The following IQCE variants were observed in gnomAD, a reference collection of about 807,000 sequenced individuals.
IQCE encodes the protein IQ domain-containing protein E.
IQCE carries 115 observed loss-of-function variants against 96.0 expected under a neutral mutation model. The observed-to-expected ratio is 1.20, with a 90% CI of 1.03 to 1.40. The LOEUF (loss-of-function observed/expected upper bound fraction) is 1.40. Ranked by LOEUF, IQCE falls within the 40% of genes most tolerant of loss-of-function variation. IQCE has a pLI of 0.00. For synonymous variants in IQCE, 412 were observed against 371.2 expected, an observed-to-expected ratio of 1.11 and a Z score of -1.26; for missense variants, 1,041 against 909.1, an observed-to-expected ratio of 1.15 and a Z score of -1.87.
intron 19 of IQCE, 149 bp from the exon 20 acceptor site, chr7:2,605,727 G>A (rs544581183): frequency 2.3e-5 from 15 of 664,552 alleles, no homozygotes; most frequent in African/African-American, 1.7e-4. Context: ...GCTGTTCACT[G>A]ACCAGCAATT....
In IQCE at chr7:2,567,158, G is replaced by A; in HGVS notation, c.79G>A (p.Glu27Lys). The change falls in exon 2 of 22, where the codon GAG (glutamate) becomes AAG (lysine). Residue 27 changes from glutamate to lysine, a missense_variant. By Grantham distance (56) the Glu-to-Lys change is moderately conservative. Transcript: ENST00000402050. ...LSAVTFDSDVETKAKRKAFHK... is the reference protein window; with the variant it reads ...LSAVTFDSDVKTKAKRKAFHK... Reference sequence around the variant, plus strand: ...TGCAGTCACCTTTGACTCTGATGTGGAGACGGTGAGTGCCGCTGGGTGTCA... The same window carrying A: ...TGCAGTCACCTTTGACTCTGATGTGAAGACGGTGAGTGCCGCTGGGTGTCA... 6.2e-7 allele frequency: 1 copy of A among 1,613,612 alleles called. No homozygotes were observed. Among genetic ancestry groups the A allele is most frequent in the Non-Finnish European group, 8.5e-7 (1 of 1,179,760 alleles).
In IQCE at chr7:2,594,986, C is replaced by T. The variant is rs537042239; in HGVS notation, c.1440+10C>T. The T allele has an allele frequency of 1.1e-4, 168 of 1,583,968 alleles. No homozygotes were observed. In the South Asian group the frequency reaches 1.4e-3, roughly 13 times the overall value. ...GGAAGTTCCTCATAAGGTACAGTGA[C>T]CATTCAGTTGAGTCTCCCGTCAGGT... is the stretch of plus-strand genomic sequence containing the variant. On this transcript the variant is annotated intron_variant, in intron 16 of 21. Transcript: ENST00000402050.
At chr7:2,597,101 CA>C (rs1471186143) in intron 16 of IQCE, 9 of 470,702 alleles carry the variant, frequency 1.9e-5, no homozygotes, top group African/African-American at 4.0e-5. Flanking sequence ...AGACCTGGGC[CA>C]GGGCCTTTAT....
At chr7:2,577,517 C>T (rs1782245690) in intron 6 of IQCE, among the ~76,000 whole-genome samples, 1 of 129,008 alleles carries the variant, frequency 7.8e-6, no homozygotes, top group Non-Finnish European at 1.6e-5. Flanking sequence ...TGTGCGGGGA[C>T]GTGTGTGCGG....
chr7:2,599,837 A>G (rs1390901658), intron 17 of IQCE, among the ~76,000 whole-genome samples: 2 of 150,264 alleles, frequency 1.3e-5, no homozygotes, highest in Non-Finnish European at 3.0e-5. Context: ...CTTGTGGCCC[A>G]GGCTGGAGTG....
chr7:2,563,219 C>T (rs1318956764), intron 1 of IQCE, among the ~76,000 whole-genome samples: 12 of 152,128 alleles, frequency 7.9e-5, no homozygotes, highest in Non-Finnish European at 1.5e-4. Flanking sequence ...AGCAGGTGCT[C>T]AGCTTGCTTT....
At chr7:2,579,885 G>A (rs1003063443) in intron 8 of IQCE, among the ~76,000 whole-genome samples, 18 of 152,002 alleles carry the variant, frequency 1.2e-4, no homozygotes, top group Admixed American at 5.9e-4. Flanking sequence ...CTGAGTACCC[G>A]GGACTACAGG....
At chr7:2,565,239 G>A (rs557863665) in intron 1 of IQCE, among the ~76,000 whole-genome samples, 6 of 147,798 alleles carry the variant, frequency 4.1e-5, no homozygotes, top group East Asian at 3.9e-4. Flanking sequence ...GTGTGTGTGC[G>A]TGTGTGTGTG....
chr7:2,578,151 T>TGGCGTGTGCGTGGCTGTG, intron 6 of IQCE, 91 bp from the exon 7 acceptor site: 1 of 952,150 alleles, frequency 1.1e-6, no homozygotes, highest in Non-Finnish European at 1.7e-6. Context: ...GTGCCCGCAT[T>TGGCGTGTGCGTGGCTGTG]GGCGTGTGCG....
At chr7:2,576,534 G>T (rs1202702719) in intron 6 of IQCE, among the ~76,000 whole-genome samples, 2 of 151,940 alleles carry the variant, frequency 1.3e-5, no homozygotes, top group Admixed American at 1.3e-4. Flanking sequence ...CAAGTAGCTG[G>T]GATTACAGGT....
intron 19 of IQCE, 135 bp from the exon 20 acceptor site, chr7:2,605,741 G>T: frequency 1.2e-6 from 1 of 857,044 alleles, no homozygotes. Flanking sequence ...AGCAATTCCC[G>T]GGAGGCAGGG....
chr7:2,578,700 G>A (rs1000619857), intron 8 of IQCE, among the ~76,000 whole-genome samples, 174 bp downstream of exon 8: 1 of 152,118 alleles, frequency 6.6e-6, no homozygotes, highest in Non-Finnish European at 1.5e-5. Context: ...GGGGAGGGGG[G>A]CCAGCAGGCT....
At chr7:2,570,941 A>G (rs1781709390) in intron 3 of IQCE, among the ~76,000 whole-genome samples, 1 of 152,254 alleles carries the variant, frequency 6.6e-6, no homozygotes, top group East Asian at 1.9e-4. Flanking sequence ...GAACACGCAC[A>G]TCTCTCAAAA....
chr7:2,590,069 G>T lies in IQCE; in HGVS notation c.1207G>T (p.Glu403Ter), dbSNP rs1432668517. Residue 403 changes from glutamate (E) to a stop codon, truncating the protein, a stop_gained, in exon 14 of 22, where the codon GAG (glutamate) becomes TAG (stop). Coordinates refer to ENST00000402050, the MANE Select transcript of IQCE (RefSeq NM_152558.5). LOFTEE classifies it high-confidence loss of function. ...AGGGGCTGTGAGAGACCTGAAGGAA[G>T]AGCGGACCGCGCTGCAGGAGCAGCT... Reference protein sequence around the residue: ...LRGAVRDLKEERTALQEQLLQ... With the variant: ...LRGAVRDLKE 1 of 1,613,370 alleles carries T rather than the reference G, an allele frequency of 6.2e-7. No individual in the cohort carries two copies.
chr7:2,604,943 C>T lies in IQCE; in HGVS notation c.1695C>T (p.Ser565=), dbSNP rs1418191566. ...TCACGCGGACAAAGCTCTTAGCAAG[C>T]AAAGCACATGGCTCAGAGCCACCCA... is the stretch of plus-strand genomic sequence containing the variant. The part of the protein sequence containing the change: ...GHLTRTKLLA[S]KAHGSEPPSV... The change falls in exon 19 of 22, where the codon AGC becomes AGT. Residue 565 remains serine, a synonymous_variant. Transcript: ENST00000402050. The T allele has an allele frequency of 3.1e-6, 5 of 1,613,732 alleles. No homozygotes were observed. The highest frequency in any genetic ancestry group is 4.2e-6 in the Non-Finnish European group (5 of 1,179,966).
At chr7:2,593,329 G>T (rs558357779) in intron 15 of IQCE, among the ~76,000 whole-genome samples, 1 of 152,370 alleles carries the variant, frequency 6.6e-6, no homozygotes, top group South Asian at 2.1e-4. Context: ...TGGCATCGTG[G>T]CCACCTCTCA....
intron 8 of IQCE, chr7:2,581,911 A>G (rs544266335): frequency 5.5e-4 from 161 of 291,894 alleles, no homozygotes; most frequent in Non-Finnish European, 1.1e-3. Context: ...ACGGGGTTTC[A>G]CCTTGTTAGC....
At chr7:2,608,562 T>C (rs1161236140) in intron 21 of IQCE, among the ~76,000 whole-genome samples, 1 of 152,188 alleles carries the variant, frequency 6.6e-6, no homozygotes, top group Non-Finnish European at 1.5e-5. Context: ...TCGGGGAGAA[T>C]GTACAGACAC....
chr7:2,589,909 A>C lies in IQCE; in HGVS notation c.1047A>C (p.Lys349Asn). 1 of 1,613,670 alleles carries C rather than the reference A, an allele frequency of 6.2e-7. No individual in the cohort carries two copies. ...LLRRIVELEK[K>N]LSVMESSKSH... The stretch of plus-strand genomic sequence containing the variant: ...ACACATGTCTGTGTTGCCTCCAGAA[A>C]CTAAGTGTGATGGAGAGCTCAAAAT... Residue 349 changes from lysine to asparagine, a missense_variant and splice_region_variant, in exon 14 of 22, where the codon AAA (lysine) becomes AAC (asparagine). Coordinates refer to ENST00000402050, the MANE Select transcript of IQCE (RefSeq NM_152558.5).
Sources: allele counts gnomAD v4.1 joint callset (sites outside exome capture counted in the v4.1 genomes callset), GRCh38; gene constraint gnomAD v4.1.1; transcripts MANE v1.5; gene names NCBI Gene and HGNC (gene_info 2026-07-23, HGNC 2026-07-21).